The following CAMK2D variants were observed in gnomAD, a reference collection of about 807,000 sequenced individuals.
CAMK2D encodes the protein calcium/calmodulin dependent protein kinase II delta.
In CAMK2D, 37 loss-of-function variants were observed where a neutral mutation model predicts 84.0. The observed-to-expected ratio is 0.44, with a 90% CI of 0.34 to 0.58. CAMK2D has a LOEUF of 0.58. Among genes scored for constraint, CAMK2D ranks in the 20% least tolerant of loss-of-function variants. CAMK2D has a pLI of 0.02. For missense variants in CAMK2D, 448 were observed against 652.5 expected (o/e 0.69, Z 3.41); for synonymous variants, 202 against 212.5 (o/e 0.95, Z 0.43).
chr4:113,499,478 C>T (rs1198656789), intron 16 of CAMK2D, among the ~76,000 whole-genome samples: 2 of 152,168 alleles, frequency 1.3e-5, no homozygotes, highest in Non-Finnish European at 2.9e-5. Context: ...GACCCCACGT[C>T]TCCTTGACCT....
At chr4:113,707,551 A>G (rs757134257) in intron 2 of CAMK2D, among the ~76,000 whole-genome samples, 6 of 152,210 alleles carry the variant, frequency 3.9e-5, no homozygotes, top group Admixed American at 2.0e-4. Flanking sequence ...AACTAGACAG[A>G]TATTTAATGT....
intron 3 of CAMK2D, among the ~76,000 whole-genome samples, chr4:113,635,842 T>C (rs1462256774): frequency 6.6e-6 from 1 of 152,216 alleles, no homozygotes; most frequent in Non-Finnish European, 1.5e-5. Context: ...AGAAAGGATA[T>C]GTTTTAGCAA....
chr4:113,552,129 A>C, intron 4 of CAMK2D, 33 bp from the exon 5 acceptor site: 1 of 1,228,366 alleles, frequency 8.1e-7, no homozygotes, highest in Non-Finnish European at 1.2e-6. Flanking sequence ...CACTTTTAAA[A>C]AGAAGCAAAA....
Position 113,679,082 on chromosome 4 carries a change from T to C in CAMK2D, c.161-17310A>G, listed in dbSNP as rs149296768. Among the ~76,000 whole-genome samples, 745 of 152,320 alleles carry C rather than the reference T, an allele frequency of 4.9e-3. 4 individuals carry two copies. The highest frequency in any genetic ancestry group is 7.3e-3 in the Non-Finnish European group (499 of 68,024). On this transcript the variant is annotated intron_variant, in intron 2 of 20. Transcript: ENST00000511664. Reference sequence around the variant, plus strand: ...CACTATGTACTGTGCCTTGTTTTTATTTTAACCCTGGAACACATTCCACTC... The same window carrying C: ...CACTATGTACTGTGCCTTGTTTTTACTTTAACCCTGGAACACATTCCACTC...
chr4:113,674,967 C>A (rs1446892058), intron 2 of CAMK2D, among the ~76,000 whole-genome samples: 1 of 152,114 alleles, frequency 6.6e-6, no homozygotes, highest in Non-Finnish European at 1.5e-5. Flanking sequence ...TGACCAGAAG[C>A]CTCTGAAGAG....
intron 2 of CAMK2D, among the ~76,000 whole-genome samples, chr4:113,697,858 A>AACCC (rs1441752071): frequency 4.6e-5 from 7 of 152,234 alleles, no homozygotes; most frequent in Admixed American, 1.3e-4. Context: ...TGTTTAAAAG[A>AACCC]ACCCACCTTC....
chr4:113,572,846 G>A lies in CAMK2D; in HGVS notation c.276-20750C>T, dbSNP rs549296303. Among the ~76,000 whole-genome samples the A allele has an allele frequency of 1.2e-4, 18 of 152,244 alleles. No homozygotes were observed. The East Asian group carries it at 2.9e-3, about 25-fold the overall frequency. Reference sequence around the variant, plus strand: ...AGAAAATGTGGTACATATACACCACGAAATATTATGCAGCCATAAAAAAGG... The same window carrying A: ...AGAAAATGTGGTACATATACACCACAAAATATTATGCAGCCATAAAAAAGG... On this transcript the variant is annotated intron_variant, in intron 4 of 20. Transcript: ENST00000511664.
chr4:113,508,286 A>C, intron 13 of CAMK2D: 1 of 1,531,390 alleles, frequency 6.5e-7, no homozygotes, highest in Non-Finnish European at 8.9e-7. Flanking sequence ...GACCAGTCAA[A>C]GAGAAAGGAA....
At chr4:113,649,173 C>T (rs2099163089) in intron 3 of CAMK2D, among the ~76,000 whole-genome samples, 1 of 152,152 alleles carries the variant, frequency 6.6e-6, no homozygotes, top group Non-Finnish European at 1.5e-5. Flanking sequence ...ACTCATCATG[C>T]CTTACACCTA....
At chr4:113,707,829 A>G (rs778519256) in intron 2 of CAMK2D, among the ~76,000 whole-genome samples, 63 of 152,292 alleles carry the variant, frequency 4.1e-4, no homozygotes, top group Admixed American at 1.3e-4. Context: ...CTGTAGAAGG[A>G]GACTGTAACA....
At chr4:113,595,077 A>G (rs1286945873) in intron 4 of CAMK2D, among the ~76,000 whole-genome samples, 1 of 152,144 alleles carries the variant, frequency 6.6e-6, no homozygotes, top group Non-Finnish European at 1.5e-5. Flanking sequence ...AAATCTTTAC[A>G]AAGATTCTCA....
intron 2 of CAMK2D, among the ~76,000 whole-genome samples, chr4:113,738,205 T>C (rs1180485866): frequency 6.7e-6 from 1 of 150,020 alleles, no homozygotes; most frequent in Non-Finnish European, 1.5e-5. Context: ...AATATGTTCT[T>C]TGAAAAAAAA....
chr4:113,537,272 G>A (rs2098499900), intron 7 of CAMK2D, 69 bp downstream of exon 7: 2 of 746,730 alleles, frequency 2.7e-6, no homozygotes, highest in Non-Finnish European at 4.6e-6. Context: ...TCACTAGGAA[G>A]TGGGATTAGG....
intron 4 of CAMK2D, among the ~76,000 whole-genome samples, chr4:113,570,201 T>C (rs1195813674): frequency 6.6e-6 from 1 of 152,184 alleles, no homozygotes; most frequent in African/African-American, 2.4e-5. Context: ...TTCATACTAA[T>C]GAAAGTGATC....
At chr4:113,724,228 A>C (rs1386867762) in intron 2 of CAMK2D, among the ~76,000 whole-genome samples, 3 of 152,072 alleles carry the variant, frequency 2.0e-5, no homozygotes, top group Non-Finnish European at 4.4e-5. Flanking sequence ...AACAAAATGA[A>C]AATACAAATT....
At position 113,709,746 on chromosome 4, in the gene CAMK2D, G is replaced by T. The variant is rs1190538115; in HGVS notation, c.161-47974C>A. Among the ~76,000 whole-genome samples, 447 of 49,762 alleles carry T rather than the reference G, an allele frequency of 9.0e-3. 26 individuals are homozygous for T. Among genetic ancestry groups the T allele is most frequent in the African/African-American group, 0.047 (414 of 8,884 alleles). 32.6% of individuals were successfully genotyped at this position (49,762 alleles called of 152,430 possible). A position where few individuals can be genotyped will look rare whatever the true frequency, so the allele number is the denominator to read the frequency against. ...GAGTGAAAAGCTAAAAGCCGTGAAC[G>T]ATATATATATATATATATATATATA... is the stretch of plus-strand genomic sequence containing the variant. On this transcript the variant is annotated intron_variant, in intron 2 of 20. Transcript: ENST00000511664.
chr4:113,714,537 T>C (rs1321787742), intron 2 of CAMK2D, among the ~76,000 whole-genome samples: 6 of 152,116 alleles, frequency 3.9e-5, no homozygotes, highest in Non-Finnish European at 7.4e-5. Context: ...AGATGCACTC[T>C]GATTTTCCCT....
chr4:113,455,668 C>A, intron 20 of CAMK2D, 58 bp downstream of exon 20: 3 of 917,724 alleles, frequency 3.3e-6, no homozygotes, highest in South Asian at 1.5e-5. Context: ...GGAAAACAGC[C>A]ATGCAGCTTT....
chr4:113,579,309 C>T (rs2098797793), intron 4 of CAMK2D, among the ~76,000 whole-genome samples: 1 of 152,184 alleles, frequency 6.6e-6, no homozygotes, highest in Non-Finnish European at 1.5e-5. Context: ...TAACATGATG[C>T]TCTTCCTTTT....
Sources: gnomAD v4.1 joint callset for allele counts (sites outside exome capture counted in the v4.1 genomes callset) on GRCh38, gnomAD v4.1.1 for gene constraint, MANE v1.5 for transcripts, NCBI Gene and HGNC (gene_info 2026-07-23, HGNC 2026-07-21) for gene names.